The following CNTN4 variants were observed in gnomAD, a reference collection of about 807,000 sequenced individuals.
CNTN4 encodes the protein contactin 4.
A neutral mutation model predicts 122.5 loss-of-function variants in CNTN4; 77 were observed. The observed-to-expected ratio is 0.63, with a 90% CI of 0.52 to 0.76. CNTN4 has a LOEUF of 0.76. CNTN4 is among the 30% of genes least tolerant of loss of function. The probability of loss-of-function intolerance (pLI) is 0.00; values close to 1 mark genes in which losing one functional copy is unlikely to be tolerated. For synonymous variants in CNTN4, 512 were observed against 447.0 expected (o/e 1.15, Z -1.83); for missense variants, 1,256 against 1,259.1 (o/e 1.00, Z 0.04).
At chr3:2,292,975 C>A (rs2150009311) in intron 2 of CNTN4, among the ~76,000 whole-genome samples, 1 of 152,284 alleles carries the variant, frequency 6.6e-6, no homozygotes, top group South Asian at 2.1e-4. Flanking sequence ...CTGCCAAGCT[C>A]TTCTTCAAAG....
intron 4 of CNTN4, among the ~76,000 whole-genome samples, chr3:2,681,107 C>G (rs1338698398): frequency 1.7e-4 from 26 of 152,126 alleles, no homozygotes; most frequent in Non-Finnish European, 1.5e-5. Flanking sequence ...ATTAATCATT[C>G]TGGGTACCAG....
chr3:2,853,601 A>T (rs2150693762), intron 7 of CNTN4, among the ~76,000 whole-genome samples: 1 of 151,822 alleles, frequency 6.6e-6, no homozygotes, highest in Non-Finnish European at 1.5e-5. Context: ...TTCTGAGTAG[A>T]TTTTCTTGAG....
intron 13 of CNTN4, among the ~76,000 whole-genome samples, chr3:2,927,816 A>G (rs1320401779): frequency 6.6e-6 from 1 of 152,200 alleles, no homozygotes; most frequent in Non-Finnish European, 1.5e-5. Context: ...GAAACTCCCC[A>G]TCATTACCTA....
chr3:2,631,063 T>A (rs2082409627), intron 4 of CNTN4, among the ~76,000 whole-genome samples: 1 of 152,152 alleles, frequency 6.6e-6, no homozygotes, highest in South Asian at 2.1e-4. Flanking sequence ...TCTCATCTGT[T>A]CTCCAGAAAT....
intron 11 of CNTN4, 54 bp downstream of exon 11, chr3:2,900,875 G>A (rs1001282169): frequency 6.3e-7 from 1 of 1,597,344 alleles, no homozygotes; most frequent in African/African-American, 1.3e-5. Context: ...GTTTAATATA[G>A]CCTCATTGCC....
chr3:2,300,508 T>C (rs1408771625), intron 2 of CNTN4, among the ~76,000 whole-genome samples: 1 of 150,532 alleles, frequency 6.6e-6, no homozygotes, highest in African/African-American at 2.4e-5. Context: ...GAGTCCTTGC[T>C]CTTTCCATTT....
At chr3:2,823,531 A>G (rs953150167) in intron 7 of CNTN4, among the ~76,000 whole-genome samples, 1 of 152,200 alleles carries the variant, frequency 6.6e-6, no homozygotes, top group African/African-American at 2.4e-5. Context: ...ACCATTAAAT[A>G]TAAGAAAACA....
intron 6 of CNTN4, among the ~76,000 whole-genome samples, chr3:2,801,926 A>G (rs571126529): frequency 6.6e-6 from 1 of 152,348 alleles, no homozygotes; most frequent in Non-Finnish European, 1.5e-5. Context: ...TTCTTAATCA[A>G]ATGAGTTATT....
chr3:2,963,386 G>A (rs2094881221), intron 13 of CNTN4, among the ~76,000 whole-genome samples: 1 of 151,894 alleles, frequency 6.6e-6, no homozygotes, highest in South Asian at 2.1e-4. Context: ...TGATTATTTG[G>A]CGTCAAGATG....
chr3:3,051,840 G>A (rs1447091837), intron 23 of CNTN4, among the ~76,000 whole-genome samples: 1 of 152,166 alleles, frequency 6.6e-6, no homozygotes, highest in Non-Finnish European at 1.5e-5. Context: ...TGAGACACAA[G>A]AGTGACCTTA....
At chr3:2,403,918 G>A (rs939238351) in intron 3 of CNTN4, among the ~76,000 whole-genome samples, 4 of 152,072 alleles carry the variant, frequency 2.6e-5, no homozygotes, top group Non-Finnish European at 4.4e-5. Flanking sequence ...GTATAGTAAG[G>A]TTTGTGACCT....
rs569220719 is a variant in CNTN4, at chr3:2,685,971, A to G, written c.56-50244A>G. Among the ~76,000 whole-genome samples the G allele has an allele frequency of 1.1e-4, 17 of 152,310 alleles. 1 individual carries two copies. The highest frequency in any genetic ancestry group is 2.6e-4 in the African/African-American group (11 of 41,568). On this transcript the variant is annotated intron_variant, in intron 4 of 24. Coordinates refer to ENST00000418658, the MANE Select transcript of CNTN4 (RefSeq NM_175607.3). ...TTTGTTTGGAGAAAATGCACAACCA[A>G]TTCCCAATTACCCAAGTTGTATTTC...
chr3:2,603,982 T>C (rs1306754482), intron 4 of CNTN4, among the ~76,000 whole-genome samples: 3 of 152,174 alleles, frequency 2.0e-5, no homozygotes, highest in Non-Finnish European at 4.4e-5. Context: ...CCTGGGCTGA[T>C]GGAGGCTTTC....
At chr3:3,004,275 C>T (rs1043289803) in intron 14 of CNTN4, among the ~76,000 whole-genome samples, 5 of 152,090 alleles carry the variant, frequency 3.3e-5, no homozygotes, top group Non-Finnish European at 5.9e-5. Context: ...ACCAGCTTTT[C>T]TCCTCTCAGT....
chr3:2,479,423 G>A (rs538895353), intron 3 of CNTN4, among the ~76,000 whole-genome samples: 10 of 152,304 alleles, frequency 6.6e-5, no homozygotes, highest in South Asian at 2.1e-4. Flanking sequence ...CAACTCATGC[G>A]CCTTGAAGGT....
chr3:2,191,458 C>T (rs2037540488), intron 2 of CNTN4, among the ~76,000 whole-genome samples: 1 of 152,058 alleles, frequency 6.6e-6, no homozygotes, highest in Non-Finnish European at 1.5e-5. Flanking sequence ...TAGTAATTGT[C>T]CTCTATGTCC....
At chr3:2,307,236 C>A (rs1450118841) in intron 2 of CNTN4, among the ~76,000 whole-genome samples, 1 of 152,094 alleles carries the variant, frequency 6.6e-6, no homozygotes, top group Non-Finnish European at 1.5e-5. Flanking sequence ...GAGATGAAGA[C>A]CATCCTGGCT....
chr3:2,598,221 C>A (rs1448667307), intron 4 of CNTN4, among the ~76,000 whole-genome samples: 3 of 152,164 alleles, frequency 2.0e-5, no homozygotes, highest in South Asian at 4.1e-4. Context: ...TGGTACCGAA[C>A]AACCTCGTTA....
At chr3:3,025,542 A>G (rs902332712) in intron 14 of CNTN4, among the ~76,000 whole-genome samples, 2 of 152,166 alleles carry the variant, frequency 1.3e-5, no homozygotes, top group Non-Finnish European at 2.9e-5. Context: ...ACTGTGAACC[A>G]AAAAGACTGG....
Sources: gnomAD v4.1 joint callset for allele counts (sites outside exome capture counted in the v4.1 genomes callset) on GRCh38, gnomAD v4.1.1 for gene constraint, MANE v1.5 for transcripts, NCBI Gene and HGNC (gene_info 2026-07-23, HGNC 2026-07-21) for gene names.